Variants in REEP3 observed in about 807,000 individuals in gnomAD.
REEP3 encodes receptor expression-enhancing protein 3.
In REEP3, 20 loss-of-function variants were observed where a neutral mutation model predicts 41.3. The ratio of observed to expected loss-of-function variants is 0.48; its 90% CI spans 0.34 to 0.70. The LOEUF (loss-of-function observed/expected upper bound fraction) is 0.70. Among genes scored for constraint, REEP3 ranks in the 30% least tolerant of loss-of-function variants. The pLI is 0.01. For synonymous variants in REEP3, 104 were observed against 101.8 expected, an observed-to-expected ratio of 1.02 and a Z score of -0.13; for missense variants, 271 against 308.8, an observed-to-expected ratio of 0.88 and a Z score of 0.92.
At chr10:63,604,686 A>G (rs574522053) in intron 5 of REEP3, among the ~76,000 whole-genome samples, 1 of 152,308 alleles carries the variant, frequency 6.6e-6, no homozygotes, top group African/African-American at 2.4e-5. Flanking sequence ...CAGACAATGG[A>G]AAAAGAAGGT....
chr10:63,524,535 C>A (rs1235562214), intron 1 of REEP3, among the ~76,000 whole-genome samples: 1 of 151,962 alleles, frequency 6.6e-6, no homozygotes, highest in African/African-American at 2.4e-5. Flanking sequence ...CCTCCCAATT[C>A]AAGCAATTCT....
At chr10:63,562,986 A>T in intron 1 of REEP3, 1 of 456,526 alleles carries the variant, frequency 2.2e-6, no homozygotes, top group South Asian at 1.5e-5. Context: ...ATCCAGTATG[A>T]TTGGCTTCCT....
intron 1 of REEP3, among the ~76,000 whole-genome samples, chr10:63,553,756 A>G (rs1955650952): frequency 1.3e-5 from 2 of 152,226 alleles, no homozygotes; most frequent in South Asian, 2.1e-4. Context: ...ATTTTTTGCA[A>G]TGTTTTCACA....
At chr10:63,546,814 G>A (rs1399824414) in intron 1 of REEP3, among the ~76,000 whole-genome samples, 2 of 152,180 alleles carry the variant, frequency 1.3e-5, no homozygotes, top group African/African-American at 4.8e-5. Context: ...ATCACTTGCA[G>A]AATCATAGTC....
chr10:63,596,777 T>C (rs764636387), intron 3 of REEP3, among the ~76,000 whole-genome samples: 4 of 152,166 alleles, frequency 2.6e-5, no homozygotes, highest in Admixed American at 6.5e-5. Context: ...CTTTTGCTGT[T>C]GTTTCTGTTG....
At chr10:63,561,723 C>T (rs1243322325) in intron 1 of REEP3, among the ~76,000 whole-genome samples, 8 of 152,088 alleles carry the variant, frequency 5.3e-5, no homozygotes, top group Non-Finnish European at 1.2e-4. Context: ...TTACTGGCCA[C>T]GAGTTTGAAA....
Position 63,621,140 on chromosome 10 carries a change from G to T in REEP3, c.*271G>T. ...CGTTTTCAAATTCATCAACAGCCTA[G>T]AGTGCCTGAGATATAAGATGAAACA... On this transcript the variant is annotated 3_prime_UTR_variant, in exon 8 of 8. Coordinates refer to ENST00000373758, the MANE Select transcript of REEP3 (RefSeq NM_001001330.3). The T allele has an allele frequency of 3.7e-6, 1 of 273,618 alleles. No homozygotes were observed. The highest frequency in any genetic ancestry group is 7.6e-5 in the East Asian group (1 of 13,194). The allele number at this position is 273,618 out of a possible 1,614,324, so 16.9% of individuals were successfully genotyped here.
chr10:63,546,773 G>A (rs987269482), intron 1 of REEP3, among the ~76,000 whole-genome samples: 6 of 152,132 alleles, frequency 3.9e-5, no homozygotes, highest in Admixed American at 3.3e-4. Context: ...ATGGCTATTC[G>A]CAATTATGAT....
At chr10:63,571,147 A>G (rs992451099) in intron 2 of REEP3, among the ~76,000 whole-genome samples, 1 of 152,202 alleles carries the variant, frequency 6.6e-6, no homozygotes, top group African/African-American at 2.4e-5. Flanking sequence ...GGAGGCTGCT[A>G]GAGAGACTAA....
At chr10:63,528,903 G>A (rs527663300) in intron 1 of REEP3, among the ~76,000 whole-genome samples, 1 of 152,284 alleles carries the variant, frequency 6.6e-6, no homozygotes. Context: ...CCGCTCCGTT[G>A]TCTGTAGTAT....
At chr10:63,616,067 T>G (rs1216203460) in intron 6 of REEP3, among the ~76,000 whole-genome samples, 2 of 152,214 alleles carry the variant, frequency 1.3e-5, no homozygotes, top group African/African-American at 2.4e-5. Context: ...TTAAAACATT[T>G]CAATACTCTC....
intron 1 of REEP3, among the ~76,000 whole-genome samples, chr10:63,547,440 T>G (rs532231201): frequency 2.0e-5 from 3 of 151,246 alleles, no homozygotes; most frequent in Non-Finnish European, 4.4e-5. Flanking sequence ...CAAAGAAAAA[T>G]GGACAAGATA....
chr10:63,564,553 A>G (rs901060356), intron 1 of REEP3, among the ~76,000 whole-genome samples: 5 of 151,946 alleles, frequency 3.3e-5, no homozygotes, highest in Admixed American at 6.6e-5. Flanking sequence ...AACCTGGGAG[A>G]CGGAGGCTGC....
At chr10:63,524,479 C>G (rs1357364787) in intron 1 of REEP3, among the ~76,000 whole-genome samples, 1 of 151,978 alleles carries the variant, frequency 6.6e-6, no homozygotes, top group African/African-American at 2.4e-5. Context: ...TCTCTGTCGC[C>G]CACGCTGGAG....
At chr10:63,533,239 A>T (rs987895263) in intron 1 of REEP3, among the ~76,000 whole-genome samples, 10 of 152,224 alleles carry the variant, frequency 6.6e-5, no homozygotes, top group Admixed American at 3.3e-4. Flanking sequence ...CAAAACTGTG[A>T]AGTGGGCAAA....
chr10:63,606,125 CAG>C (rs1373470246), intron 5 of REEP3: 4 of 958,396 alleles, frequency 4.2e-6, no homozygotes, highest in Non-Finnish European at 5.0e-6. Flanking sequence ...TTAACATACA[CAG>C]AGTACAGACA....
chr10:63,575,354 T>C (rs1169349651), intron 2 of REEP3, among the ~76,000 whole-genome samples: 1 of 152,222 alleles, frequency 6.6e-6, no homozygotes, highest in Non-Finnish European at 1.5e-5. Flanking sequence ...TTCATGATGA[T>C]GTACTTTGTT....
intron 1 of REEP3, among the ~76,000 whole-genome samples, chr10:63,522,348 C>T (rs760352406): frequency 6.6e-6 from 1 of 152,094 alleles, no homozygotes; most frequent in Non-Finnish European, 1.5e-5. Context: ...TCATTGTTCT[C>T]CTACCAACAA....
chr10:63,532,034 C>A (rs1955425672), intron 1 of REEP3, among the ~76,000 whole-genome samples: 1 of 152,188 alleles, frequency 6.6e-6, no homozygotes, highest in African/African-American at 2.4e-5. Context: ...GTATTCTGCA[C>A]ATCAGGTGTT....
Sources: allele counts gnomAD v4.1 joint callset (sites outside exome capture counted in the v4.1 genomes callset), GRCh38; gene constraint gnomAD v4.1.1; transcripts MANE v1.5; gene names NCBI Gene and HGNC (gene_info 2026-07-23, HGNC 2026-07-21).